The following LMX1A variants were observed in gnomAD, a reference collection of about 807,000 sequenced individuals.
The protein encoded by LMX1A is LIM homeobox transcription factor 1 alpha.
Under a neutral mutation model 49.1 loss-of-function variants are expected in LMX1A, and 15 were observed. The ratio of observed to expected loss-of-function variants is 0.31; its 90% CI spans 0.20 to 0.47. The LOEUF is 0.47. LMX1A is among the 20% of genes least tolerant of loss of function. The pLI is 1.00. For missense variants in LMX1A, 372 were observed against 475.8 expected, an observed-to-expected ratio of 0.78 and a Z score of 2.03; for synonymous variants, 167 against 185.7, an observed-to-expected ratio of 0.90 and a Z score of 0.82.
chr1:165,311,600 T>C (rs1557880793), intron 3 of LMX1A, among the ~76,000 whole-genome samples: 2 of 152,198 alleles, frequency 1.3e-5, no homozygotes, highest in Admixed American at 1.3e-4. Context: ...CACTCCAAAC[T>C]TTGAAGACCA....
At chr1:165,246,600 C>A (rs974652432) in intron 4 of LMX1A, among the ~76,000 whole-genome samples, 2 of 152,152 alleles carry the variant, frequency 1.3e-5, no homozygotes, top group Non-Finnish European at 2.9e-5. Context: ...CTGTACCTTT[C>A]TATCTAAAGT....
intron 3 of LMX1A, among the ~76,000 whole-genome samples, chr1:165,309,427 G>C (rs1655011732): frequency 6.6e-6 from 1 of 152,204 alleles, no homozygotes; most frequent in Admixed American, 6.5e-5. Context: ...CAGCTCATTT[G>C]TTACCCTCCG....
intron 3 of LMX1A, among the ~76,000 whole-genome samples, chr1:165,309,005 T>C (rs1277008671): frequency 1.3e-5 from 2 of 152,174 alleles, no homozygotes; most frequent in African/African-American, 4.8e-5. Flanking sequence ...GTGTCTCATA[T>C]TCTATCTCCA....
At chr1:165,288,325 A>T (rs1322617485) in intron 3 of LMX1A, among the ~76,000 whole-genome samples, 1 of 152,170 alleles carries the variant, frequency 6.6e-6, no homozygotes, top group Non-Finnish European at 1.5e-5. Flanking sequence ...GTGTCTCGGG[A>T]TGAGAAAGTG....
chr1:165,355,367 T>C lies in LMX1A; in HGVS notation c.76+117A>G, dbSNP rs1656572129. 21 of 894,366 alleles carry C rather than the reference T, an allele frequency of 2.3e-5. No individual in the cohort carries two copies. Among genetic ancestry groups the C allele is most frequent in the Non-Finnish European group, 3.7e-5 (21 of 565,018 alleles). 55.4% of individuals were successfully genotyped at this position (894,366 alleles called of 1,614,324 possible). A position where few individuals can be genotyped will look rare whatever the true frequency, so the allele number is the denominator to read the frequency against. Reference sequence around the variant, plus strand: ...CAGATAGTGATGGGGCTCAATTTAGTGTATGAAGAGGGGCGCTAGCTTCCC... The same window carrying C: ...CAGATAGTGATGGGGCTCAATTTAGCGTATGAAGAGGGGCGCTAGCTTCCC... On this transcript the variant is annotated intron_variant, in intron 2 of 8. Coordinates refer to ENST00000342310, the MANE Select transcript of LMX1A (RefSeq NM_177398.4). This position sits in a 1 kb window ranked among gnomAD's most constrained non-coding sequence, Gnocchi z 4.7.
At chr1:165,224,900 T>G (rs957870229) in intron 4 of LMX1A, among the ~76,000 whole-genome samples, 1 of 152,208 alleles carries the variant, frequency 6.6e-6, no homozygotes, top group Non-Finnish European at 1.5e-5. Context: ...CTCTTTCACA[T>G]TGATATTGAT....
intron 3 of LMX1A, among the ~76,000 whole-genome samples, chr1:165,250,296 T>A (rs780320140): frequency 6.6e-6 from 1 of 152,186 alleles, no homozygotes; most frequent in Non-Finnish European, 1.5e-5. Context: ...ATGTATTTGC[T>A]GTGGTTCATG....
At chr1:165,337,888 C>CTGTG (rs6143463) in intron 3 of LMX1A, among the ~76,000 whole-genome samples, 13 of 146,926 alleles carry the variant, frequency 8.8e-5, no homozygotes, top group East Asian at 2.0e-4. Context: ...GTGTGTGTTT[C>CTGTG]TGTGTGTGTG....
intron 3 of LMX1A, among the ~76,000 whole-genome samples, chr1:165,251,083 C>CTT (rs36006799): frequency 2.4e-4 from 34 of 143,710 alleles, no homozygotes; most frequent in Admixed American, 4.8e-4. Flanking sequence ...TATTGAATGG[C>CTT]TTTTTTTTTT....
At chr1:165,315,093 C>T (rs1442207035) in intron 3 of LMX1A, among the ~76,000 whole-genome samples, 1 of 152,214 alleles carries the variant, frequency 6.6e-6, no homozygotes, top group East Asian at 1.9e-4. Flanking sequence ...TTCAGCAAGG[C>T]ACGTCTTATC....
intron 3 of LMX1A, among the ~76,000 whole-genome samples, chr1:165,275,011 C>T (rs56741891): frequency 6.6e-6 from 1 of 152,178 alleles, no homozygotes; most frequent in Non-Finnish European, 1.5e-5. Flanking sequence ...AGCATGATTT[C>T]ATTTTGCCAG....
In LMX1A at chr1:165,203,844, A is replaced by T. The variant is rs569058510; in HGVS notation, c.*36T>A. ...ACCCCTCAAAGAATATGGTTGTTCC[A>T]TATGGGAGCCTAGTCACAGAACTCT... On this transcript the variant is annotated 3_prime_UTR_variant, in exon 9 of 9. Transcript: ENST00000342310. The T allele has an allele frequency of 6.2e-7, 1 of 1,607,444 alleles. No individual in the cohort carries two copies. The highest frequency in any genetic ancestry group is 1.1e-5 in the South Asian group (1 of 90,894).
intron 3 of LMX1A, among the ~76,000 whole-genome samples, chr1:165,285,162 A>C (rs533373489): frequency 6.6e-6 from 1 of 152,336 alleles, no homozygotes; most frequent in African/African-American, 2.4e-5. Flanking sequence ...GCAAGGATCC[A>C]GTGAAGAAAA....
chr1:165,246,138 G>C (rs1353398752), intron 4 of LMX1A, among the ~76,000 whole-genome samples: 2 of 152,166 alleles, frequency 1.3e-5, no homozygotes, highest in African/African-American at 4.8e-5. Context: ...ATTCCATGAA[G>C]ATTTAATTCA....
intron 4 of LMX1A, among the ~76,000 whole-genome samples, chr1:165,230,228 T>C (rs1296759934): frequency 6.6e-6 from 1 of 152,256 alleles, no homozygotes; most frequent in African/African-American, 2.4e-5. Flanking sequence ...TTATGGTATT[T>C]TGTTATTGCA....
At chr1:165,317,834 G>A (rs1267012374) in intron 3 of LMX1A, among the ~76,000 whole-genome samples, 2 of 152,178 alleles carry the variant, frequency 1.3e-5, no homozygotes, top group Non-Finnish European at 2.9e-5. Context: ...TATCCTCTGC[G>A]TAATTCATTC....
intron 3 of LMX1A, among the ~76,000 whole-genome samples, chr1:165,250,581 A>G (rs1653021446): frequency 6.6e-6 from 1 of 152,104 alleles, no homozygotes; most frequent in African/African-American, 2.4e-5. Flanking sequence ...TCAAGACTTA[A>G]CTCTTCTTTC....
chr1:165,296,877 G>A (rs1654636180), intron 3 of LMX1A, among the ~76,000 whole-genome samples: 1 of 152,238 alleles, frequency 6.6e-6, no homozygotes, highest in African/African-American at 2.4e-5. Flanking sequence ...AATTTTGCTT[G>A]ATTTAGCAAG....
At position 165,221,908 on chromosome 1, in the gene LMX1A, TACACACAC is replaced by T. The variant is rs3038076; in HGVS notation, c.497-8103_497-8096del. 3.6e-3 allele frequency among the ~76,000 whole-genome samples: 463 copies of T among 126,986 alleles called. 1 individual carries two copies. Among genetic ancestry groups the T allele is most frequent in the African/African-American group, 9.7e-3 (359 of 36,868 alleles). The allele number at this position is 126,986 out of a possible 152,430, so 83.3% of individuals were successfully genotyped here. A position where few individuals can be genotyped will look rare whatever the true frequency, so the allele number is the denominator to read the frequency against. ...ACCTACCTTAGCTCTGTCTCCACTC[TACACACAC>T]ACACACACACACACACACACACACA... On this transcript the variant is annotated intron_variant, in intron 4 of 8. Coordinates refer to ENST00000342310, the MANE Select transcript of LMX1A (RefSeq NM_177398.4).
Sources: gnomAD v4.1 joint callset for allele counts (sites outside exome capture counted in the v4.1 genomes callset) on GRCh38, gnomAD v4.1.1 for gene constraint, Gnocchi (gnomAD v3.1) non-coding constraint, MANE v1.5 for transcripts, NCBI Gene and HGNC (gene_info 2026-07-23, HGNC 2026-07-21) for gene names.